The following ELL2 variants were observed in gnomAD, a reference collection of about 807,000 sequenced individuals.
ELL2 encodes the protein RNA polymerase II elongation factor ELL2.
Under a neutral mutation model 72.8 loss-of-function variants are expected in ELL2, and 21 were observed. The ratio of observed to expected loss-of-function variants is 0.29; its 90% CI spans 0.20 to 0.42. The LOEUF is 0.42. Among genes scored for constraint, ELL2 ranks in the 10% least tolerant of loss-of-function variants. The pLI, the probability that ELL2 is intolerant of heterozygous loss-of-function variation, is 1.00. For synonymous variants in ELL2, 266 were observed against 283.2 expected, an observed-to-expected ratio of 0.94 and a Z score of 0.61; for missense variants, 568 against 772.8, an observed-to-expected ratio of 0.73 and a Z score of 3.14.
At chr5:95,947,390 A>C (rs1751200645) in intron 1 of ELL2, among the ~76,000 whole-genome samples, 1 of 152,184 alleles carries the variant, frequency 6.6e-6, no homozygotes, top group African/African-American at 2.4e-5. Flanking sequence ...TCACGCCCTG[A>C]ATTTAGAACT....
In ELL2 at chr5:95,927,364, T is replaced by G. The variant is rs200914293; in HGVS notation, c.196-7819A>C. Among the ~76,000 whole-genome samples, 1,613 of 117,346 alleles carry G rather than the reference T, an allele frequency of 0.014. 169 individuals are homozygous for G. In the East Asian group the frequency reaches 0.2, roughly 14 times the overall value. 77.0% of individuals were successfully genotyped at this position (117,346 alleles called of 152,430 possible). A position where few individuals can be genotyped will look rare whatever the true frequency, so the allele number is the denominator to read the frequency against. On this transcript the variant is annotated intron_variant, in intron 2 of 11. Coordinates refer to ENST00000237853, the MANE Select transcript of ELL2 (RefSeq NM_012081.6). ...GTTTCAGTATGTGTATGTGTATATATAGACATACACACACACACGTGTGTA... is the reference window on the plus strand; with the variant it reads ...GTTTCAGTATGTGTATGTGTATATAGAGACATACACACACACACGTGTGTA...
At chr5:95,889,698 A>G (rs1748586852) in intron 10 of ELL2, among the ~76,000 whole-genome samples, 1 of 152,222 alleles carries the variant, frequency 6.6e-6, no homozygotes. Context: ...TGGGCATAAA[A>G]CAATGGTGTA....
intron 1 of ELL2, among the ~76,000 whole-genome samples, chr5:95,949,835 G>A (rs1751308907): frequency 6.6e-6 from 1 of 152,152 alleles, no homozygotes; most frequent in African/African-American, 2.4e-5. Context: ...TAGCTAACCA[G>A]TTACTATTTG....
chr5:95,931,681 A>G (rs1750603289), intron 2 of ELL2, among the ~76,000 whole-genome samples: 1 of 151,692 alleles, frequency 6.6e-6, no homozygotes, highest in Non-Finnish European at 1.5e-5. Flanking sequence ...ATACAGAAAG[A>G]TAAGGTATGA....
At chr5:95,896,196 T>C (rs147229582) in intron 8 of ELL2, among the ~76,000 whole-genome samples, 32 of 152,342 alleles carry the variant, frequency 2.1e-4, no homozygotes, top group Admixed American at 1.4e-3. Flanking sequence ...AGTTTTCCCA[T>C]TGGTTTAAAG....
At chr5:95,941,963 G>C (rs1381257796) in intron 2 of ELL2, among the ~76,000 whole-genome samples, 3 of 152,146 alleles carry the variant, frequency 2.0e-5, no homozygotes, top group Non-Finnish European at 4.4e-5. Flanking sequence ...TCACTGAAGA[G>C]GAAAACAGGA....
chr5:95,892,264 A>G (rs1465861777), intron 9 of ELL2, among the ~76,000 whole-genome samples: 1 of 151,788 alleles, frequency 6.6e-6, no homozygotes, highest in Non-Finnish European at 1.5e-5. Flanking sequence ...CTCGTGCCTC[A>G]GCCTCCTGAG....
Position 95,889,781 on chromosome 5 carries a change from C to G in ELL2, c.1762-651G>C, listed in dbSNP as rs139738215. On this transcript the variant is annotated intron_variant, in intron 10 of 11. Coordinates refer to ENST00000237853, the MANE Select transcript of ELL2 (RefSeq NM_012081.6). Reference sequence around the variant, plus strand: ...TTGAAATTACTTGTGTAGATATGTACATACATTTTATACCATGTGTACATA... The same window carrying G: ...TTGAAATTACTTGTGTAGATATGTAGATACATTTTATACCATGTGTACATA... Among the ~76,000 whole-genome samples, 481 of 150,994 alleles carry G rather than the reference C, an allele frequency of 3.2e-3. 5 individuals carry two copies. Among genetic ancestry groups the G allele is most frequent in the African/African-American group, 0.011 (458 of 41,058 alleles).
rs1748443361 is a variant in ELL2, at chr5:95,885,850, A to G, written c.*3021T>C. 1 of 152,232 alleles carries G rather than the reference A, an allele frequency of 6.6e-6. No homozygotes were observed. The highest frequency in any genetic ancestry group is 6.5e-5 in the Admixed American group (1 of 15,290). 9.4% of individuals were successfully genotyped at this position (152,232 alleles called of 1,614,324 possible). On this transcript the variant is annotated 3_prime_UTR_variant, in exon 12 of 12. Coordinates refer to ENST00000237853, the MANE Select transcript of ELL2 (RefSeq NM_012081.6). ...GTATAAAACTATCCATTACTACCTT[A>G]AAGAGTTGAAAGTTAAGCCCTCTAA... is the stretch of plus-strand genomic sequence containing the variant.
chr5:95,959,710 T>A (rs559538328), intron 1 of ELL2, among the ~76,000 whole-genome samples: 1 of 152,294 alleles, frequency 6.6e-6, no homozygotes, highest in South Asian at 2.1e-4. Flanking sequence ...TGTAGGACGG[T>A]ACCTTTCTCC....
At chr5:95,907,296 A>ATTTTTTTTTTTTTTTT (rs1211663802) in intron 4 of ELL2, among the ~76,000 whole-genome samples, 2,456 of 115,960 alleles carry the variant, frequency 0.021, 156 homozygotes, top group African/African-American at 0.072. Context: ...ATATATATAT[A>ATTTTTTTTTTTTTTTT]TTTTTTTTTT....
At chr5:95,919,237 A>G (rs1239390148) in intron 3 of ELL2, among the ~76,000 whole-genome samples, 187 bp downstream of exon 3, 4 of 152,226 alleles carry the variant, frequency 2.6e-5, no homozygotes, top group Admixed American at 2.6e-4. Flanking sequence ...TTGTGATTAT[A>G]TCCCCATTAC....
At chr5:95,893,804 A>G (rs1580477878) in intron 9 of ELL2, among the ~76,000 whole-genome samples, 2 of 152,242 alleles carry the variant, frequency 1.3e-5, no homozygotes, top group Admixed American at 6.5e-5. Context: ...AAAATTTGCT[A>G]TATCTATGTA....
At chr5:95,945,226 C>T (rs890653063) in intron 1 of ELL2, among the ~76,000 whole-genome samples, 2 of 152,276 alleles carry the variant, frequency 1.3e-5, no homozygotes, top group South Asian at 4.1e-4. Flanking sequence ...CCAACCAAAC[C>T]GTCACCTCTT....
chr5:95,898,866 C>T lies in ELL2; in HGVS notation c.955-56G>A, dbSNP rs1002918672. 2.2e-6 allele frequency: 3 copies of T among 1,334,694 alleles called. No individual in the cohort carries two copies. In the African/African-American group the frequency reaches 4.4e-5, roughly 20 times the overall value. 82.7% of individuals were successfully genotyped at this position (1,334,694 alleles called of 1,614,324 possible). On this transcript the variant is annotated intron_variant, in intron 7 of 11. Transcript: ENST00000237853. ...AGTTTGCACTAAAATTAAATAAATT[C>T]AATACATGCATGGCTGGTTAAACAA... is the stretch of plus-strand genomic sequence containing the variant.
intron 1 of ELL2, among the ~76,000 whole-genome samples, chr5:95,952,623 A>G (rs2112358933): frequency 6.6e-6 from 1 of 152,368 alleles, no homozygotes; most frequent in South Asian, 2.1e-4. Flanking sequence ...TGCAATGATT[A>G]GCCATACCCT....
rs1426077949 is a variant in ELL2 at position 95,960,865 on chromosome 5, T to C, written c.147+710A>G. Among the ~76,000 whole-genome samples, 3 of 151,208 alleles carry C rather than the reference T, an allele frequency of 2.0e-5. No individual in the cohort carries two copies. The East Asian group carries it at 5.9e-4, about 30-fold the overall frequency. On this transcript the variant is annotated intron_variant, in intron 1 of 11. Coordinates refer to ENST00000237853, the MANE Select transcript of ELL2 (RefSeq NM_012081.6). ...GTCCCGGAGTCCCTGGGAATGCAGG[T>C]GTGTCCCCTCCCCCCCCGTACGCGA...
chr5:95,943,950 G>A (rs1006692841), intron 1 of ELL2, among the ~76,000 whole-genome samples: 5 of 152,144 alleles, frequency 3.3e-5, no homozygotes, highest in Non-Finnish European at 7.4e-5. Context: ...AGAAACCCAC[G>A]AAGAAATCAG....
At chr5:95,950,876 TTATA>T (rs59551147) in intron 1 of ELL2, among the ~76,000 whole-genome samples, 32,881 of 117,120 alleles carry the variant, frequency 0.28, 5,559 homozygotes, top group African/African-American at 0.44. Flanking sequence ...CAAGTTTTAT[TTATA>T]TATATATATG....
Sources: allele counts gnomAD v4.1 joint callset (sites outside exome capture counted in the v4.1 genomes callset), GRCh38; gene constraint gnomAD v4.1.1; transcripts MANE v1.5; gene names NCBI Gene and HGNC (gene_info 2026-07-23, HGNC 2026-07-21).